AK4: variants seen among roughly 807,000 people sequenced by gnomAD.
AK4 encodes adenylate kinase 4.
In AK4, 13 loss-of-function variants were observed where a neutral mutation model predicts 24.6. The observed-to-expected ratio is 0.53, with a 90% CI of 0.34 to 0.84. The LOEUF (loss-of-function observed/expected upper bound fraction) is 0.84. AK4 is among the 40% of genes least tolerant of loss of function. The pLI is 0.01. For synonymous variants in AK4, 88 were observed against 107.0 expected, an observed-to-expected ratio of 0.82 and a Z score of 1.10; for missense variants, 192 against 288.2, an observed-to-expected ratio of 0.67 and a Z score of 2.42.
chr1:65,175,251 C>T (rs113802185), intron 1 of AK4, among the ~76,000 whole-genome samples: 6 of 152,172 alleles, frequency 3.9e-5, no homozygotes, highest in Non-Finnish European at 7.4e-5. Flanking sequence ...GAAGAGTGTC[C>T]GCATCAGCTC....
chr1:65,217,619 A>G (rs1028559598), intron 2 of AK4, among the ~76,000 whole-genome samples: 1 of 152,210 alleles, frequency 6.6e-6, no homozygotes, highest in Non-Finnish European at 1.5e-5. Flanking sequence ...CCAGAGCCAA[A>G]CCTGGAGTTA....
chr1:65,170,626 T>C (rs1308109278), intron 1 of AK4, among the ~76,000 whole-genome samples: 1 of 152,200 alleles, frequency 6.6e-6, no homozygotes, highest in Non-Finnish European at 1.5e-5. Flanking sequence ...GAGCTCTAGC[T>C]GGAACTGCTG....
intron 1 of AK4, among the ~76,000 whole-genome samples, chr1:65,189,762 G>A (rs942718746): frequency 2.6e-5 from 4 of 151,660 alleles, no homozygotes; most frequent in Admixed American, 2.6e-4. Flanking sequence ...CTACATATAG[G>A]AAATTAATGT....
intron 2 of AK4, among the ~76,000 whole-genome samples, chr1:65,195,479 T>C (rs1424559774): frequency 6.6e-6 from 1 of 152,194 alleles, no homozygotes; most frequent in African/African-American, 2.4e-5. Flanking sequence ...GCAAAATGAA[T>C]TTGTATAGTT....
intron 1 of AK4, among the ~76,000 whole-genome samples, chr1:65,178,379 T>C (rs1052082518): frequency 6.6e-5 from 10 of 152,150 alleles, no homozygotes; most frequent in Admixed American, 5.2e-4. Flanking sequence ...CCCACCGAGC[T>C]GTGTTCTCCG....
chr1:65,194,251 T>G (rs750522102), intron 2 of AK4, among the ~76,000 whole-genome samples: 1 of 152,234 alleles, frequency 6.6e-6, no homozygotes, highest in Non-Finnish European at 1.5e-5. Context: ...CTTAAGATAC[T>G]TCTTCCACCA....
rs1031972713 is a variant in AK4 at position 65,198,857 on chromosome 1, A to T, written c.265+8028A>T. On this transcript the variant is annotated intron_variant, in intron 2 of 4. Coordinates refer to ENST00000327299, the MANE Select transcript of AK4 (RefSeq NM_013410.4). ...TTTGGGAGACAGAGGCAGGAGGATC[A>T]CTTGAGCCCAGGAGTTTGAGACCAG... 3.9e-4 allele frequency among the ~76,000 whole-genome samples: 59 copies of T among 151,880 alleles called. 1 individual carries two copies. Among genetic ancestry groups the T allele is most frequent in the African/African-American group, 1.4e-3 (59 of 41,328 alleles).
In AK4 at chr1:65,231,646, A is replaced by G. The variant is rs1570159318; in HGVS notation, c.*5469A>G. ...CTAAATAACAAACTATTTTGTATTT[A>G]ATTTAGGGAAGACTAAAGGGAAGAA... On this transcript the variant is annotated 3_prime_UTR_variant, in exon 5 of 5. Coordinates refer to ENST00000327299, the MANE Select transcript of AK4 (RefSeq NM_013410.4). The G allele has an allele frequency of 2.6e-5, 4 of 152,232 alleles. No individual in the cohort carries two copies. Among genetic ancestry groups the G allele is most frequent in the Admixed American group, 2.6e-4 (4 of 15,284 alleles). The allele number at this position is 152,232 out of a possible 1,614,324, so 9.4% of individuals were successfully genotyped here.
chr1:65,188,303 G>C (rs1570105640), intron 1 of AK4, among the ~76,000 whole-genome samples: 1 of 151,926 alleles, frequency 6.6e-6, no homozygotes, highest in African/African-American at 2.4e-5. Context: ...GCTGGGGCAG[G>C]AGAATCGCTT....
intron 1 of AK4, among the ~76,000 whole-genome samples, chr1:65,178,558 AG>A (rs928141132): frequency 9.9e-5 from 15 of 152,210 alleles, no homozygotes; most frequent in Non-Finnish European, 2.1e-4. Context: ...AGATTACAGA[AG>A]GGGGGATTAA....
At chr1:65,223,614 C>T (rs1374938169) in intron 3 of AK4, among the ~76,000 whole-genome samples, 1 of 152,010 alleles carries the variant, frequency 6.6e-6, no homozygotes, top group Non-Finnish European at 1.5e-5. Context: ...ATTATAATGT[C>T]CTTCATGAGA....
At chr1:65,148,140 GGGGCGAGGAGGTGGAGGA>G (rs752340573), upstream of AK4, 267 of 621,460 alleles carry the variant, frequency 4.3e-4, 1 homozygote, top group Non-Finnish European at 5.3e-4. Context: ...GCTTTGCGTG[GGGGCGAGGAGGTGGAGGA>G]GGGCGAGGAG....
intron 1 of AK4, among the ~76,000 whole-genome samples, chr1:65,155,401 A>G (rs913252122): frequency 1.3e-4 from 20 of 152,048 alleles, no homozygotes; most frequent in African/African-American, 4.6e-4. Flanking sequence ...TGAATCCAGG[A>G]GGCAGAGGTT....
intron 1 of AK4, among the ~76,000 whole-genome samples, chr1:65,160,140 A>G (rs1650112432): frequency 6.6e-6 from 1 of 152,186 alleles, no homozygotes; most frequent in African/African-American, 2.4e-5. Context: ...TGAGTACTCT[A>G]GAAACTAGTG....
At chr1:65,212,319 C>G (rs897146011) in intron 2 of AK4, among the ~76,000 whole-genome samples, 4 of 150,348 alleles carry the variant, frequency 2.7e-5, no homozygotes, top group Admixed American at 1.3e-4. Flanking sequence ...TTTTTTGAGA[C>G]AGGGTTTCCC....
intron 1 of AK4, chr1:65,154,517 A>T (rs542903387): frequency 1.9e-6 from 1 of 526,664 alleles, no homozygotes; most frequent in African/African-American, 1.9e-5. Context: ...CACTGCTGAA[A>T]ATTCAGCCAG....
intron 1 of AK4, among the ~76,000 whole-genome samples, chr1:65,157,878 G>A (rs1372497311): frequency 6.6e-6 from 1 of 152,134 alleles, no homozygotes; most frequent in Non-Finnish European, 1.5e-5. Flanking sequence ...GTGAGATTTG[G>A]GAAGGCTTTT....
At chr1:65,158,854 T>C (rs1303723727) in intron 1 of AK4, among the ~76,000 whole-genome samples, 1 of 152,166 alleles carries the variant, frequency 6.6e-6, no homozygotes, top group African/African-American at 2.4e-5. Flanking sequence ...TAGAGGCTTT[T>C]GGATTACTCT....
intron 1 of AK4, 127 bp from the exon 2 acceptor site, chr1:65,190,583 G>A (rs1380538914): frequency 2.8e-6 from 3 of 1,086,798 alleles, no homozygotes; most frequent in East Asian, 2.5e-5. Context: ...CTTAAAACAT[G>A]TCTACAACTT....
Sources: gnomAD v4.1 joint callset for allele counts (sites outside exome capture counted in the v4.1 genomes callset) on GRCh38, gnomAD v4.1.1 for gene constraint, MANE v1.5 for transcripts, NCBI Gene and HGNC (gene_info 2026-07-23, HGNC 2026-07-21) for gene names.